The following SEMA5A variants were observed in gnomAD, a reference collection of about 807,000 sequenced individuals.
SEMA5A encodes semaphorin-5A.
In SEMA5A, 55 loss-of-function variants were observed where a neutral mutation model predicts 135.5. That is an observed-to-expected ratio of 0.41 (90% CI 0.33 to 0.51). The LOEUF is 0.51. Among genes scored for constraint, SEMA5A ranks in the 20% least tolerant of loss-of-function variants. The probability of loss-of-function intolerance (pLI) is 0.37; values close to 1 mark genes in which losing one functional copy is unlikely to be tolerated. For missense variants in SEMA5A, 1,290 were observed against 1,419.9 expected (o/e 0.91, Z 1.47); for synonymous variants, 580 against 546.5 (o/e 1.06, Z -0.85).
At chr5:9,544,673 C>T (rs1298145297) in intron 1 of SEMA5A, among the ~76,000 whole-genome samples, 1 of 152,238 alleles carries the variant, frequency 6.6e-6, no homozygotes, top group Non-Finnish European at 1.5e-5. Flanking sequence ...CCGAGGACGC[C>T]GCAGGCGCAG....
At chr5:9,480,492 G>A (rs973813282) in intron 1 of SEMA5A, among the ~76,000 whole-genome samples, 2 of 152,154 alleles carry the variant, frequency 1.3e-5, no homozygotes, top group African/African-American at 2.4e-5. Flanking sequence ...TGCAGGCAAT[G>A]AGACCCTAGA....
In SEMA5A at chr5:9,349,083, A is replaced by T. The variant is rs1420049129; in HGVS notation, c.125-11271T>A. On this transcript the variant is annotated intron_variant, in intron 3 of 22. Transcript: ENST00000382496. ...TCTTCAGACCTTAGGATTCAAGGGAAGAAGAAAGCTGTGGAACTCAGGAGA... is the reference window on the plus strand; with the variant it reads ...TCTTCAGACCTTAGGATTCAAGGGATGAAGAAAGCTGTGGAACTCAGGAGA... Among the ~76,000 whole-genome samples the T allele has an allele frequency of 2.6e-5, 4 of 152,234 alleles. No individual in the cohort carries two copies. In the East Asian group the frequency reaches 7.7e-4, roughly 29 times the overall value.
intron 16 of SEMA5A, among the ~76,000 whole-genome samples, chr5:9,102,128 A>C (rs1739665094): frequency 6.6e-6 from 1 of 152,212 alleles, no homozygotes; most frequent in Non-Finnish European, 1.5e-5. Context: ...TATGAATACA[A>C]AGGGAACTAA....
intron 5 of SEMA5A, among the ~76,000 whole-genome samples, chr5:9,271,827 C>T (rs572366218): frequency 7.9e-5 from 12 of 152,238 alleles, no homozygotes; most frequent in East Asian, 3.9e-4. Flanking sequence ...CCATGCACTC[C>T]GGCCCAGATA....
chr5:9,236,018 A>G (rs1561056357), intron 6 of SEMA5A, among the ~76,000 whole-genome samples: 1 of 152,158 alleles, frequency 6.6e-6, no homozygotes, highest in Non-Finnish European at 1.5e-5. Context: ...TGTGCAGGGG[A>G]ACTCCCCTTT....
At chr5:9,514,362 G>A (rs1267147421) in intron 1 of SEMA5A, among the ~76,000 whole-genome samples, 1 of 152,082 alleles carries the variant, frequency 6.6e-6, no homozygotes, top group African/African-American at 2.4e-5. Flanking sequence ...CCAGGGATTA[G>A]GACAGGGACG....
intron 5 of SEMA5A, among the ~76,000 whole-genome samples, chr5:9,293,045 C>T (rs1018968292): frequency 1.3e-5 from 2 of 152,182 alleles, no homozygotes; most frequent in African/African-American, 2.4e-5. Context: ...GTGGTCATCT[C>T]CTCTCCCTGC....
chr5:9,408,258 T>C (rs902428716), intron 2 of SEMA5A, among the ~76,000 whole-genome samples: 2 of 152,180 alleles, frequency 1.3e-5, no homozygotes, highest in African/African-American at 2.4e-5. Flanking sequence ...CACGGAATAC[T>C]ATAACCCTGC....
chr5:9,312,044 C>A (rs1325340139), intron 5 of SEMA5A, among the ~76,000 whole-genome samples: 2 of 152,118 alleles, frequency 1.3e-5, no homozygotes, highest in East Asian at 3.8e-4. Context: ...TGAGCTCCAG[C>A]CCCTTTGTGT....
chr5:9,367,570 G>C (rs1754970677), intron 3 of SEMA5A, among the ~76,000 whole-genome samples: 1 of 152,174 alleles, frequency 6.6e-6, no homozygotes, highest in Non-Finnish European at 1.5e-5. Context: ...ACCTCTGAAA[G>C]TGGTATACTC....
intron 2 of SEMA5A, among the ~76,000 whole-genome samples, chr5:9,384,619 CATAG>C (rs67211847): frequency 0.29 from 24,684 of 85,406 alleles, 4,448 homozygotes; most frequent in Middle Eastern, 0.36. Flanking sequence ...TAGATAGATA[CATAG>C]ATAGATAGAT....
chr5:9,229,664 T>C (rs1451544961), intron 6 of SEMA5A, among the ~76,000 whole-genome samples: 2 of 151,974 alleles, frequency 1.3e-5, no homozygotes, highest in African/African-American at 4.8e-5. Flanking sequence ...GTTTTGTTTG[T>C]TTTTTGATGC....
chr5:9,515,299 T>C (rs898604987), intron 1 of SEMA5A, among the ~76,000 whole-genome samples: 7 of 152,160 alleles, frequency 4.6e-5, no homozygotes, highest in African/African-American at 1.7e-4. Context: ...TCCTACTGAA[T>C]GTATATCATG....
chr5:9,488,058 C>A (rs889791309), intron 1 of SEMA5A, among the ~76,000 whole-genome samples: 1 of 152,094 alleles, frequency 6.6e-6, no homozygotes, highest in African/African-American at 2.4e-5. Context: ...TTAAATCATA[C>A]GGGGATAGCT....
intron 15 of SEMA5A, among the ~76,000 whole-genome samples, chr5:9,117,810 C>A (rs185405679): frequency 6.6e-6 from 1 of 152,288 alleles, no homozygotes; most frequent in East Asian, 1.9e-4. Flanking sequence ...GGAGACAATT[C>A]TTCCATAATA....
At position 9,035,959 on chromosome 5, in the gene SEMA5A, C is replaced by CAAAAAAAAA. The variant is rs367901928; in HGVS notation, c.*6929_*6937dup. ...TGAAATTGGCTTTGGAGGAGTTTCA[C>CAAAAAAAAA]AAAAAAAAAAAAAAAAAAAAATCTC... On this transcript the variant is annotated 3_prime_UTR_variant, in exon 23 of 23. Coordinates refer to ENST00000382496, the MANE Select transcript of SEMA5A (RefSeq NM_003966.3). 8.8e-6 allele frequency: 1 copy of CAAAAAAAAA among 113,358 alleles called. No homozygotes were observed. 7.0% of individuals were successfully genotyped at this position (113,358 alleles called of 1,614,324 possible).
chr5:9,088,659 T>TATACACACAC, intron 16 of SEMA5A, among the ~76,000 whole-genome samples: 1 of 112,866 alleles, frequency 8.9e-6, no homozygotes, highest in African/African-American at 4.3e-5. Context: ...TATATATATA[T>TATACACACAC]ACACACACAC....
At chr5:9,485,652 A>G (rs1440287771) in intron 1 of SEMA5A, among the ~76,000 whole-genome samples, 1 of 152,182 alleles carries the variant, frequency 6.6e-6, no homozygotes, top group African/African-American at 2.4e-5. Context: ...GGTGCCCCGA[A>G]TGACTGTTGA....
At chr5:9,505,247 T>G (rs150015736) in intron 1 of SEMA5A, among the ~76,000 whole-genome samples, 2 of 152,196 alleles carry the variant, frequency 1.3e-5, no homozygotes, top group African/African-American at 2.4e-5. Context: ...GCCCTGAATC[T>G]AGCACTTATT....
Sources: gnomAD v4.1 joint callset for allele counts (sites outside exome capture counted in the v4.1 genomes callset) on GRCh38, gnomAD v4.1.1 for gene constraint, MANE v1.5 for transcripts, NCBI Gene and HGNC (gene_info 2026-07-23, HGNC 2026-07-21) for gene names.